The following RSRC1 variants were observed in gnomAD, a reference collection of about 807,000 sequenced individuals.
RSRC1 encodes the protein serine/Arginine-related protein 53.
In RSRC1, 39 loss-of-function variants were observed where a neutral mutation model predicts 49.1. The observed-to-expected ratio is 0.79, with a 90% CI of 0.61 to 1.04. The LOEUF is 1.04. RSRC1 is among the 50% of genes least tolerant of loss of function. The pLI is 0.00. For missense variants in RSRC1, 388 were observed against 402.4 expected (o/e 0.96, Z 0.31); for synonymous variants, 143 against 130.8 (o/e 1.09, Z -0.63).
At chr3:158,345,310 G>A (rs1730491058) in intron 5 of RSRC1, among the ~76,000 whole-genome samples, 1 of 151,778 alleles carries the variant, frequency 6.6e-6, no homozygotes, top group South Asian at 2.1e-4. Context: ...AGTGTATGTT[G>A]GTCTAAAAAT....
chr3:158,142,235 T>TTA lies in RSRC1; in HGVS notation c.320+18252_320+18253dup, dbSNP rs1716794528. Among the ~76,000 whole-genome samples, 5 of 152,334 alleles carry TTA rather than the reference T, an allele frequency of 3.3e-5. No individual in the cohort carries two copies. In the South Asian group the frequency reaches 1.0e-3, roughly 32 times the overall value. ...ACCTTCATTGTAGATTTTTGTTTCT[T>TTA]TATATATATCTCCCTAGTTTTTCTA... is the stretch of plus-strand genomic sequence containing the variant. On this transcript the variant is annotated intron_variant, in intron 3 of 9. Transcript: ENST00000611884.
At chr3:158,356,204 G>T (rs1731149502) in intron 6 of RSRC1, among the ~76,000 whole-genome samples, 1 of 151,954 alleles carries the variant, frequency 6.6e-6, no homozygotes, top group Non-Finnish European at 1.5e-5. Context: ...ACTATAAAGA[G>T]CTCATAATTT....
In RSRC1 at chr3:158,446,292, T is replaced by TC. The variant is rs397829399; in HGVS notation, c.584-14643_584-14642insC. On this transcript the variant is annotated intron_variant, in intron 6 of 9. Coordinates refer to ENST00000611884, the MANE Select transcript of RSRC1 (RefSeq NM_001271838.2). ...TCTGATGTTGTTGCAAGGTTTTTTT[T>TC]GTTTAAACTCTGCCATATAGAATTG... Among the ~76,000 whole-genome samples, 27 of 151,942 alleles carry TC rather than the reference T, an allele frequency of 1.8e-4. No individual in the cohort carries two copies. The East Asian group carries it at 2.9e-3, about 16-fold the overall frequency.
chr3:158,514,845 T>C (rs1025888928), intron 7 of RSRC1, among the ~76,000 whole-genome samples: 6 of 152,244 alleles, frequency 3.9e-5, no homozygotes, highest in African/African-American at 1.2e-4. Context: ...CTCTTCTTGT[T>C]GAATTGATCC....
intron 5 of RSRC1, among the ~76,000 whole-genome samples, chr3:158,299,388 C>T (rs1727409567): frequency 6.6e-6 from 1 of 151,704 alleles, no homozygotes; most frequent in Middle Eastern, 3.2e-3. Context: ...GATTAGTGTG[C>T]AGTGGTGCGA....
intron 6 of RSRC1, among the ~76,000 whole-genome samples, chr3:158,445,368 G>A (rs1262505500): frequency 6.6e-6 from 1 of 152,064 alleles, no homozygotes; most frequent in Non-Finnish European, 1.5e-5. Context: ...CATGGATGAA[G>A]CTGGAAACCA....
Position 158,517,416 on chromosome 3 carries a change from G to A in RSRC1, c.653-19676G>A, listed in dbSNP as rs149443775. 3.8e-3 allele frequency among the ~76,000 whole-genome samples: 584 copies of A among 152,004 alleles called. 3 individuals are homozygous for A. Among genetic ancestry groups the A allele is most frequent in the Non-Finnish European group, 6.6e-3 (446 of 67,980 alleles). On this transcript the variant is annotated intron_variant, in intron 7 of 9. Transcript: ENST00000611884. Reference sequence around the variant, plus strand: ...AATAGAAATGGTGATAGCTAGTATCGTCATCCTGTTTGTGATCATTAAGGT... The same window carrying A: ...AATAGAAATGGTGATAGCTAGTATCATCATCCTGTTTGTGATCATTAAGGT...
chr3:158,110,951 A>G (rs923882026), intron 1 of RSRC1, among the ~76,000 whole-genome samples: 4 of 152,200 alleles, frequency 2.6e-5, no homozygotes, highest in African/African-American at 9.7e-5. Context: ...GAGGTTGTGT[A>G]TCTTTAAATG....
intron 4 of RSRC1, among the ~76,000 whole-genome samples, chr3:158,254,175 T>A (rs1462439442): frequency 6.6e-6 from 1 of 152,144 alleles, no homozygotes; most frequent in Admixed American, 6.5e-5. Context: ...TTGATGGACA[T>A]TTGGGTTGGT....
intron 6 of RSRC1, among the ~76,000 whole-genome samples, chr3:158,440,372 A>C (rs1362013304): frequency 2.0e-5 from 3 of 152,068 alleles, no homozygotes; most frequent in Admixed American, 2.0e-4. Flanking sequence ...TGCACAGATG[A>C]TGCTGTTCCA....
intron 4 of RSRC1, among the ~76,000 whole-genome samples, chr3:158,283,464 A>C (rs937640665): frequency 2.0e-5 from 3 of 152,154 alleles, no homozygotes. Context: ...CACTGTACAC[A>C]TGGATGTATA....
intron 7 of RSRC1, among the ~76,000 whole-genome samples, chr3:158,488,340 A>G (rs1738917612): frequency 6.6e-6 from 1 of 152,150 alleles, no homozygotes; most frequent in African/African-American, 2.4e-5. Context: ...TGTTATGTAA[A>G]AGAATTGTGT....
chr3:158,521,997 C>A (rs761500915), intron 7 of RSRC1, among the ~76,000 whole-genome samples: 1 of 151,916 alleles, frequency 6.6e-6, no homozygotes, highest in South Asian at 2.1e-4. Context: ...AATATAGAAA[C>A]TTTTCTCTGT....
intron 4 of RSRC1, among the ~76,000 whole-genome samples, chr3:158,291,688 A>G (rs13066362): frequency 0.39 from 59,197 of 152,042 alleles, 12,394 homozygotes; most frequent in East Asian, 0.64. Flanking sequence ...TGCCATCATC[A>G]GAAAGAATAG....
At chr3:158,247,645 T>G (rs1235579982) in intron 4 of RSRC1, among the ~76,000 whole-genome samples, 2 of 152,178 alleles carry the variant, frequency 1.3e-5, no homozygotes, top group Non-Finnish European at 2.9e-5. Flanking sequence ...CTCTCTTCTG[T>G]AGGGCTGCTG....
intron 7 of RSRC1, among the ~76,000 whole-genome samples, chr3:158,467,339 C>G (rs190890784): frequency 7.2e-5 from 11 of 152,288 alleles, no homozygotes; most frequent in African/African-American, 2.4e-4. Flanking sequence ...ATAAAATACA[C>G]TAAATTCAAA....
At chr3:158,512,711 G>T (rs1180458849) in intron 7 of RSRC1, among the ~76,000 whole-genome samples, 4 of 150,430 alleles carry the variant, frequency 2.7e-5, no homozygotes, top group Non-Finnish European at 5.9e-5. Flanking sequence ...TGGGCAGTAT[G>T]GCCATTTTCA....
intron 4 of RSRC1, among the ~76,000 whole-genome samples, chr3:158,252,367 G>C (rs1724271839): frequency 6.6e-6 from 1 of 151,640 alleles, no homozygotes; most frequent in Admixed American, 6.6e-5. Context: ...GGGTTTCACT[G>C]TGTTAGCCAG....
At chr3:158,307,076 T>C (rs1284474038) in intron 5 of RSRC1, among the ~76,000 whole-genome samples, 1 of 151,826 alleles carries the variant, frequency 6.6e-6, no homozygotes, top group Non-Finnish European at 1.5e-5. Context: ...TGCGAAAGCT[T>C]GAGCTTCCAG....
Sources: gnomAD v4.1 joint callset for allele counts (sites outside exome capture counted in the v4.1 genomes callset) on GRCh38, gnomAD v4.1.1 for gene constraint, MANE v1.5 for transcripts, NCBI Gene and HGNC (gene_info 2026-07-23, HGNC 2026-07-21) for gene names.